Variants in TMEM178B observed in about 807,000 individuals in gnomAD.
The protein encoded by TMEM178B is transmembrane protein 178B.
Under a neutral mutation model 31.0 loss-of-function variants are expected in TMEM178B, and 5 were observed. That is an observed-to-expected ratio of 0.16 (90% CI 0.08 to 0.34). The LOEUF is 0.34. Among genes scored for constraint, TMEM178B ranks in the 10% least tolerant of loss-of-function variants. The pLI, the probability that TMEM178B is intolerant of heterozygous loss-of-function variation, is 1.00. For missense variants in TMEM178B, 275 were observed against 400.3 expected, an observed-to-expected ratio of 0.69 and a Z score of 2.67; for synonymous variants, 164 against 164.0, an observed-to-expected ratio of 1.00 and a Z score of 0.00.
At chr7:141,217,573 A>G (rs1797177675) in intron 2 of TMEM178B, among the ~76,000 whole-genome samples, 1 of 152,102 alleles carries the variant, frequency 6.6e-6, no homozygotes, top group South Asian at 2.1e-4. Context: ...GGAAGGTATT[A>G]GCTTTACTTC....
chr7:141,157,373 G>A (rs940442418), intron 1 of TMEM178B, among the ~76,000 whole-genome samples: 1 of 151,950 alleles, frequency 6.6e-6, no homozygotes, highest in Non-Finnish European at 1.5e-5. Flanking sequence ...CAGCTTTAAG[G>A]CAAGAAGCAT....
intron 1 of TMEM178B, among the ~76,000 whole-genome samples, chr7:141,151,326 G>A (rs949822224): frequency 6.6e-6 from 1 of 152,208 alleles, no homozygotes; most frequent in East Asian, 1.9e-4. Flanking sequence ...CCACAACCCT[G>A]TGTGGTGGGG....
chr7:141,296,004 A>G (rs940915368), intron 2 of TMEM178B, among the ~76,000 whole-genome samples: 1 of 152,172 alleles, frequency 6.6e-6, no homozygotes, highest in Non-Finnish European at 1.5e-5. Flanking sequence ...CGAGGTTTCC[A>G]AAGATGCAGA....
intron 2 of TMEM178B, among the ~76,000 whole-genome samples, chr7:141,234,379 A>G (rs1027132994): frequency 6.6e-6 from 1 of 152,204 alleles, no homozygotes; most frequent in Non-Finnish European, 1.5e-5. Context: ...CAAGAGGGAA[A>G]CAAAGACTTT....
intron 2 of TMEM178B, among the ~76,000 whole-genome samples, chr7:141,265,681 G>A (rs887417325): frequency 1.3e-5 from 2 of 152,194 alleles, no homozygotes; most frequent in East Asian, 1.9e-4. Flanking sequence ...TTGGGATTGG[G>A]TTGGATGAAG....
At chr7:141,233,827 C>T (rs955861060) in intron 2 of TMEM178B, among the ~76,000 whole-genome samples, 2 of 152,216 alleles carry the variant, frequency 1.3e-5, no homozygotes, top group African/African-American at 4.8e-5. Flanking sequence ...CTGTCCCTAT[C>T]ACATGAAATA....
chr7:141,078,637 A>G (rs1376539145), intron 1 of TMEM178B, among the ~76,000 whole-genome samples: 1 of 152,208 alleles, frequency 6.6e-6, no homozygotes, highest in African/African-American at 2.4e-5. Context: ...GCAGAGGAAC[A>G]CAGAGAAAGT....
At chr7:141,392,109 A>G (rs548392015) in intron 2 of TMEM178B, among the ~76,000 whole-genome samples, 18 of 151,886 alleles carry the variant, frequency 1.2e-4, no homozygotes, top group African/African-American at 3.9e-4. Flanking sequence ...GAAAAATTTT[A>G]GGCATGTACA....
intron 2 of TMEM178B, among the ~76,000 whole-genome samples, chr7:141,282,275 G>A (rs938636698): frequency 3.3e-5 from 5 of 152,116 alleles, no homozygotes; most frequent in Non-Finnish European, 7.4e-5. Context: ...TGCAAGTTAC[G>A]GGTTTGCCAA....
chr7:141,457,424 C>G (rs1300052777), intron 3 of TMEM178B, among the ~76,000 whole-genome samples: 1 of 152,034 alleles, frequency 6.6e-6, no homozygotes, highest in East Asian at 1.9e-4. Context: ...ATGTGTAGAT[C>G]TGTATAATCT....
intron 1 of TMEM178B, among the ~76,000 whole-genome samples, chr7:141,105,125 G>A (rs192740904): frequency 6.7e-4 from 102 of 152,290 alleles, no homozygotes; most frequent in Non-Finnish European, 8.1e-4. Flanking sequence ...GGGGCAAAGA[G>A]CAGGGGTCAC....
rs145680804 is a variant in TMEM178B, at chr7:141,394,378, G to A, written c.497-43230G>A. Among the ~76,000 whole-genome samples, 341 of 152,334 alleles carry A rather than the reference G, an allele frequency of 2.2e-3. 1 individual carries two copies. The highest frequency in any genetic ancestry group is 7.9e-3 in the African/African-American group (329 of 41,568). On this transcript the variant is annotated intron_variant, in intron 2 of 3. Coordinates refer to ENST00000565468, the MANE Select transcript of TMEM178B (RefSeq NM_001195278.2). ...TGGTATGTGAACCTAATATCACGAA[G>A]ACCCTCTCCTGTGTGGTGGCTTGGG...
chr7:141,100,207 CTT>C (rs751136128), intron 1 of TMEM178B, among the ~76,000 whole-genome samples: 14 of 141,766 alleles, frequency 9.9e-5, no homozygotes, highest in African/African-American at 1.0e-4. Context: ...TCTGTAACAT[CTT>C]TTTTTTTTTT....
intron 2 of TMEM178B, among the ~76,000 whole-genome samples, chr7:141,285,740 A>G (rs956505934): frequency 6.6e-6 from 1 of 152,194 alleles, no homozygotes. Context: ...TGGCACATAT[A>G]CACCATGGAA....
At chr7:141,348,741 A>G (rs1448928924) in intron 2 of TMEM178B, among the ~76,000 whole-genome samples, 1 of 152,216 alleles carries the variant, frequency 6.6e-6, no homozygotes, top group Non-Finnish European at 1.5e-5. Context: ...ATTGTAATTA[A>G]TGTGTATTAC....
the TMEM178B span, among the ~76,000 whole-genome samples, chr7:141,485,437 T>A: frequency 3.3e-5 from 5 of 152,322 alleles, no homozygotes; most frequent in Admixed American, 2.0e-4. Context: ...CAAGTGGGGA[T>A]AATAAAATAA....
the TMEM178B span, among the ~76,000 whole-genome samples, chr7:141,510,709 A>G: frequency 1.7e-4 from 23 of 135,040 alleles, no homozygotes; most frequent in East Asian, 6.1e-4. Flanking sequence ...AAAAAAAAAA[A>G]AAAGAAAAAA....
At chr7:141,106,262 G>A (rs530859626) in intron 1 of TMEM178B, among the ~76,000 whole-genome samples, 1 of 152,276 alleles carries the variant, frequency 6.6e-6, no homozygotes, top group East Asian at 1.9e-4. Flanking sequence ...TTCCTAGGGA[G>A]TGCATGATGC....
At chr7:141,287,616 T>G (rs1013459290) in intron 2 of TMEM178B, among the ~76,000 whole-genome samples, 7 of 152,240 alleles carry the variant, frequency 4.6e-5, no homozygotes, top group Non-Finnish European at 8.8e-5. Flanking sequence ...CTTGGGCTTT[T>G]GAGGATGTGC....
Sources: gnomAD v4.1 joint callset for allele counts (sites outside exome capture counted in the v4.1 genomes callset) on GRCh38, gnomAD v4.1.1 for gene constraint, MANE v1.5 for transcripts, NCBI Gene and HGNC (gene_info 2026-07-23, HGNC 2026-07-21) for gene names.